PDGFD: variants seen among roughly 807,000 people sequenced by gnomAD.
PDGFD encodes the protein platelet-derived growth factor D.
In PDGFD, 30 loss-of-function variants were observed where a neutral mutation model predicts 44.7. The ratio of observed to expected loss-of-function variants is 0.67; its 90% CI spans 0.50 to 0.91. PDGFD has a LOEUF of 0.91. Ranked by LOEUF, PDGFD falls within the 40% of genes least tolerant of loss-of-function variation. The probability of loss-of-function intolerance (pLI) is 0.00; values close to 1 mark genes in which losing one functional copy is unlikely to be tolerated. For synonymous variants in PDGFD, 173 were observed against 168.4 expected (o/e 1.03, Z -0.21); for missense variants, 445 against 457.8 (o/e 0.97, Z 0.25).
intron 1 of PDGFD, among the ~76,000 whole-genome samples, chr11:104,119,540 A>AATATAATATAATATATTGATATAAT (rs1861728007): frequency 4.7e-5 from 4 of 85,630 alleles, no homozygotes; most frequent in African/African-American, 5.0e-5. Context: ...TATAATATAT[A>AATATAATATAATATATTGATATAAT]ATATAATATA....
intron 1 of PDGFD, among the ~76,000 whole-genome samples, chr11:104,106,385 C>T (rs1379451257): frequency 1.3e-5 from 2 of 151,978 alleles, no homozygotes; most frequent in African/African-American, 4.8e-5. Flanking sequence ...TTTTCAGAGA[C>T]AAGATTACTA....
intron 1 of PDGFD, chr11:104,036,943 C>T: frequency 1.2e-6 from 2 of 1,614,160 alleles, no homozygotes; most frequent in African/African-American, 1.3e-5. Flanking sequence ...GTCCAGAGTC[C>T]CCGTCGAAGA....
rs969408356 is a variant in PDGFD at position 104,079,590 on chromosome 11, T to C, written c.125-79335A>G. ...TTTTAGTAGAGATGGGGTTTCACTA[T>C]GTTGGTCAGGCTGGTCTCAAACTCC... On this transcript the variant is annotated intron_variant, in intron 1 of 6. Transcript: ENST00000393158. Among the ~76,000 whole-genome samples, 6 of 152,242 alleles carry C rather than the reference T, an allele frequency of 3.9e-5. No homozygotes were observed. In the South Asian group the frequency reaches 1.0e-3, roughly 26 times the overall value.
At chr11:103,970,481 C>T (rs1258526434) in intron 3 of PDGFD, among the ~76,000 whole-genome samples, 1 of 152,124 alleles carries the variant, frequency 6.6e-6, no homozygotes, top group African/African-American at 2.4e-5. Flanking sequence ...AATCGTGGAT[C>T]TGTCCAGTGC....
intron 1 of PDGFD, among the ~76,000 whole-genome samples, chr11:104,029,535 A>G (rs928046656): frequency 2.6e-5 from 4 of 152,254 alleles, no homozygotes; most frequent in Non-Finnish European, 5.9e-5. Context: ...TCATGTACAT[A>G]ATTCATAAAA....
At chr11:104,135,519 G>GA (rs1302724265) in intron 1 of PDGFD, among the ~76,000 whole-genome samples, 2 of 152,160 alleles carry the variant, frequency 1.3e-5, no homozygotes, top group Non-Finnish European at 2.9e-5. Context: ...TAAGTTTGTG[G>GA]AAAGACTGGG....
chr11:104,155,211 C>A (rs1268322623), intron 1 of PDGFD, among the ~76,000 whole-genome samples: 2 of 152,184 alleles, frequency 1.3e-5, no homozygotes, highest in Admixed American at 6.5e-5. Flanking sequence ...GAAATACATA[C>A]ATACTTAAGG....
At chr11:104,071,358 T>G (rs897201746) in intron 1 of PDGFD, among the ~76,000 whole-genome samples, 6 of 151,680 alleles carry the variant, frequency 4.0e-5, no homozygotes, top group Middle Eastern at 3.2e-3. Flanking sequence ...TATATTTCTT[T>G]GTGTGTATAT....
At chr11:103,956,701 C>T (rs919161656) in intron 3 of PDGFD, among the ~76,000 whole-genome samples, 2 of 152,020 alleles carry the variant, frequency 1.3e-5, no homozygotes, top group African/African-American at 4.8e-5. Context: ...ATTCCTATTT[C>T]TCCACATCCT....
intron 5 of PDGFD, among the ~76,000 whole-genome samples, chr11:103,940,882 T>TCAA (rs1283080960): frequency 2.6e-5 from 4 of 152,132 alleles, no homozygotes; most frequent in Non-Finnish European, 4.4e-5. Context: ...TCAAGTAGTA[T>TCAA]GTCACCTTGA....
intron 1 of PDGFD, among the ~76,000 whole-genome samples, chr11:104,056,227 A>G (rs1860614721): frequency 2.0e-5 from 3 of 152,202 alleles, no homozygotes; most frequent in Admixed American, 2.0e-4. Context: ...TATTCTTTAC[A>G]TTGAACAATG....
intron 1 of PDGFD, among the ~76,000 whole-genome samples, chr11:104,086,450 ATATCT>A (rs1367157218): frequency 2.0e-5 from 3 of 152,200 alleles, no homozygotes; most frequent in Non-Finnish European, 4.4e-5. Flanking sequence ...ATAATCAATG[ATATCT>A]TATATTTAAG....
In PDGFD at chr11:103,907,242, C is replaced by T. The variant is rs777906851; in HGVS notation, c.*2452G>A. 3 of 151,652 alleles carry T rather than the reference C, an allele frequency of 2.0e-5. No individual in the cohort carries two copies. Among genetic ancestry groups the T allele is most frequent in the African/African-American group, 4.9e-5 (2 of 41,232 alleles). 9.4% of individuals were successfully genotyped at this position (151,652 alleles called of 1,614,324 possible). On this transcript the variant is annotated 3_prime_UTR_variant, in exon 7 of 7. Coordinates refer to ENST00000393158, the MANE Select transcript of PDGFD (RefSeq NM_025208.5). ...ATGAAGATAAGAGGCATATTACATT[C>T]GCTATAGAAAATGCTATGAGAGGAA...
chr11:104,093,165 T>C lies in PDGFD; in HGVS notation c.124+70639A>G, dbSNP rs577714625. 2.0e-5 allele frequency among the ~76,000 whole-genome samples: 3 copies of C among 152,198 alleles called. No individual in the cohort carries two copies. The South Asian group carries it at 6.2e-4, about 32-fold the overall frequency. On this transcript the variant is annotated intron_variant, in intron 1 of 6. Coordinates refer to ENST00000393158, the MANE Select transcript of PDGFD (RefSeq NM_025208.5). ...CAAGCTAGCAGCCCTTCTAGGAGAA[T>C]TTGATTTTTCACTGGGAATTCTGGA...
intron 5 of PDGFD, among the ~76,000 whole-genome samples, chr11:103,928,634 G>A (rs17101748): frequency 2.6e-5 from 4 of 152,238 alleles, no homozygotes; most frequent in South Asian, 2.1e-4. Flanking sequence ...ATTGTCATAC[G>A]CTGAGCCCAG....
chr11:104,084,709 A>G (rs1205989939), intron 1 of PDGFD, among the ~76,000 whole-genome samples: 2 of 131,280 alleles, frequency 1.5e-5, no homozygotes, highest in African/African-American at 7.0e-5. Context: ...TTTATAATTA[A>G]TAAAGTATAC....
At chr11:103,916,041 C>A (rs908414953) in intron 6 of PDGFD, among the ~76,000 whole-genome samples, 3 of 152,128 alleles carry the variant, frequency 2.0e-5, no homozygotes, top group Non-Finnish European at 4.4e-5. Context: ...GCAAAGACTT[C>A]ATGACTAAAA....
intron 1 of PDGFD, chr11:104,037,522 GC>G: frequency 6.2e-7 from 1 of 1,614,044 alleles, no homozygotes; most frequent in Non-Finnish European, 8.5e-7. Flanking sequence ...GATAGAAGAG[GC>G]CCCCGAGAGT....
At chr11:103,948,162 T>A (rs1333279371) in intron 3 of PDGFD, among the ~76,000 whole-genome samples, 1 of 152,228 alleles carries the variant, frequency 6.6e-6, no homozygotes, top group Non-Finnish European at 1.5e-5. Flanking sequence ...ATTATTGACA[T>A]ATAGTTGGTT....
Sources: allele counts gnomAD v4.1 joint callset (sites outside exome capture counted in the v4.1 genomes callset), GRCh38; gene constraint gnomAD v4.1.1; transcripts MANE v1.5; gene names NCBI Gene and HGNC (gene_info 2026-07-23, HGNC 2026-07-21).